Variants in UNC13C observed in about 807,000 individuals in gnomAD.
UNC13C encodes protein unc-13 homolog C.
A neutral mutation model predicts 245.4 loss-of-function variants in UNC13C; 174 were observed. The observed-to-expected ratio is 0.71, with a 90% CI of 0.63 to 0.80. The LOEUF (loss-of-function observed/expected upper bound fraction) is 0.80. Among genes scored for constraint, UNC13C ranks in the 30% least tolerant of loss-of-function variants. The pLI is 0.00. For missense variants in UNC13C, 2,829 were observed against 2,602.9 expected, an observed-to-expected ratio of 1.09 and a Z score of -1.89; for synonymous variants, 992 against 895.1, an observed-to-expected ratio of 1.11 and a Z score of -1.93.
intron 30 of UNC13C, among the ~76,000 whole-genome samples, chr15:54,600,508 T>C (rs1269635809): frequency 6.6e-6 from 1 of 152,068 alleles, no homozygotes; most frequent in African/African-American, 2.4e-5. Flanking sequence ...AGTTAGATTA[T>C]AGGGGGCCTT....
chr15:53,869,388 A>G, the UNC13C span, among the ~76,000 whole-genome samples: 1 of 150,864 alleles, frequency 6.6e-6, no homozygotes, highest in African/African-American at 2.4e-5. Context: ...CATGAGTAGA[A>G]GAAAATCATT....
At chr15:54,012,020 G>A (rs1409830035) in intron 1 of UNC13C, among the ~76,000 whole-genome samples, 3 of 152,168 alleles carry the variant, frequency 2.0e-5, no homozygotes, top group Non-Finnish European at 4.4e-5. Flanking sequence ...AAAATATTAA[G>A]TTCAATTCAA....
intron 18 of UNC13C, among the ~76,000 whole-genome samples, chr15:54,406,361 T>C (rs1397541438): frequency 3.3e-5 from 5 of 152,140 alleles, no homozygotes; most frequent in African/African-American, 1.2e-4. Flanking sequence ...CACATAAGGA[T>C]CTTATTTCCT....
At chr15:54,499,158 C>T (rs1894087437) in intron 20 of UNC13C, among the ~76,000 whole-genome samples, 1 of 151,990 alleles carries the variant, frequency 6.6e-6, no homozygotes, top group Admixed American at 6.6e-5. Context: ...TCAATCATGG[C>T]AAAAGGCAAA....
chr15:54,188,009 A>G (rs184787556), intron 4 of UNC13C, among the ~76,000 whole-genome samples: 18 of 151,982 alleles, frequency 1.2e-4, no homozygotes, highest in Admixed American at 9.2e-4. Flanking sequence ...GTAGAGATGG[A>G]GTTTCATCAT....
chr15:54,105,099 G>T (rs1900369678), intron 2 of UNC13C, among the ~76,000 whole-genome samples: 1 of 152,144 alleles, frequency 6.6e-6, no homozygotes, highest in Admixed American at 6.5e-5. Flanking sequence ...ATGGACAAGA[G>T]AACTGATAGT....
At chr15:54,422,958 T>TACACACACAC (rs35647420) in intron 19 of UNC13C, among the ~76,000 whole-genome samples, 9 of 146,004 alleles carry the variant, frequency 6.2e-5, no homozygotes, top group African/African-American at 2.3e-4. Context: ...AGCAATATAG[T>TACACACACAC]ACACACACAC....
intron 2 of UNC13C, among the ~76,000 whole-genome samples, chr15:54,031,308 C>T (rs1261369824): frequency 2.0e-5 from 3 of 152,180 alleles, no homozygotes; most frequent in Non-Finnish European, 4.4e-5. Flanking sequence ...ACTGCAAGTT[C>T]CGCCTCCCGG....
At chr15:54,134,922 T>A (rs1448016347) in intron 2 of UNC13C, among the ~76,000 whole-genome samples, 2 of 152,212 alleles carry the variant, frequency 1.3e-5, no homozygotes, top group Non-Finnish European at 2.9e-5. Flanking sequence ...TGTACCAATT[T>A]ATGTTTCTGT....
chr15:54,338,624 C>A (rs1319424870), intron 17 of UNC13C, 135 bp downstream of exon 17: 1 of 965,974 alleles, frequency 1.0e-6, no homozygotes, highest in Non-Finnish European at 1.5e-6. Flanking sequence ...AATTTCCATA[C>A]CTTTTCTTCA....
chr15:54,052,715 T>C (rs985039239), intron 2 of UNC13C, among the ~76,000 whole-genome samples: 1 of 152,234 alleles, frequency 6.6e-6, no homozygotes, highest in Admixed American at 6.5e-5. Context: ...GTTTTATAAG[T>C]TGTTTCCTTC....
chr15:53,879,519 A>G, the UNC13C span, among the ~76,000 whole-genome samples: 1 of 152,184 alleles, frequency 6.6e-6, no homozygotes, highest in Non-Finnish European at 1.5e-5. Context: ...GTTAATTGTT[A>G]TATATAGGAA....
the UNC13C span, among the ~76,000 whole-genome samples, chr15:53,904,840 G>A: frequency 6.6e-6 from 1 of 152,066 alleles, no homozygotes; most frequent in Non-Finnish European, 1.5e-5. Flanking sequence ...CCTTTATGAT[G>A]CCTCATTTTA....
intron 19 of UNC13C, among the ~76,000 whole-genome samples, chr15:54,454,801 TA>T (rs1891383620): frequency 6.4e-5 from 9 of 139,572 alleles, no homozygotes; most frequent in African/African-American, 2.2e-4. Flanking sequence ...AAATTTTATT[TA>T]TTCATTCATT....
chr15:54,284,393 A>G (rs2037086261), intron 10 of UNC13C, among the ~76,000 whole-genome samples: 1 of 152,204 alleles, frequency 6.6e-6, no homozygotes, highest in Non-Finnish European at 1.5e-5. Context: ...GATTTTGAAT[A>G]CCTACTTGCT....
chr15:54,231,037 C>A (rs1294688830), intron 4 of UNC13C, among the ~76,000 whole-genome samples: 2 of 151,938 alleles, frequency 1.3e-5, no homozygotes, highest in Non-Finnish European at 2.9e-5. Flanking sequence ...GTCTGTAATG[C>A]CTATAGTCTA....
At chr15:53,985,524 A>G (rs371714191) in intron 1 of UNC13C, among the ~76,000 whole-genome samples, 4 of 152,060 alleles carry the variant, frequency 2.6e-5, no homozygotes, top group South Asian at 4.1e-4. Context: ...TGGGAACAAG[A>G]AGAGAGATTA....
At chr15:54,320,784 G>C (rs1268034455) in intron 13 of UNC13C, 2 of 362,998 alleles carry the variant, frequency 5.5e-6, no homozygotes, top group African/African-American at 4.3e-5. Context: ...GACCACCTTG[G>C]TTTCCTGGTT....
chr15:54,021,659 C>T (rs941902041), intron 2 of UNC13C, among the ~76,000 whole-genome samples: 2 of 152,174 alleles, frequency 1.3e-5, no homozygotes, highest in Non-Finnish European at 2.9e-5. Flanking sequence ...GGAAGTGCAG[C>T]TATCTCTTTG....
Sources: allele counts gnomAD v4.1 joint callset (sites outside exome capture counted in the v4.1 genomes callset), GRCh38; gene constraint gnomAD v4.1.1; transcripts MANE v1.5; gene names NCBI Gene and HGNC (gene_info 2026-07-23, HGNC 2026-07-21).